The following IL22RA2 variants were observed in gnomAD, a reference collection of about 807,000 sequenced individuals.
IL22RA2 encodes the protein interleukin-22 receptor subunit alpha-2.
Under a neutral mutation model 30.7 loss-of-function variants are expected in IL22RA2, and 39 were observed. The ratio of observed to expected loss-of-function variants is 1.27; its 90% CI spans 0.98 to 1.66. The LOEUF (loss-of-function observed/expected upper bound fraction) is 1.66, where lower values mean the gene tolerates loss of function less well. IL22RA2 is among the 40% of genes most tolerant of loss of function. The pLI is 0.00. For synonymous variants in IL22RA2, 103 were observed against 105.0 expected (o/e 0.98, Z 0.11); for missense variants, 315 against 312.7 (o/e 1.01, Z -0.05).
rs147558238 is a variant in IL22RA2 at position 137,173,637 on chromosome 6, T to A, written c.-290A>T. On this transcript the variant is annotated 5_prime_UTR_variant, in exon 1 of 7. Transcript: ENST00000296980. ...TTGACCAGGGCTCTATAGCGAGTAG[T>A]GGTAAAGTGAGGGCTGAAATCAGAT... The A allele has an allele frequency of 6.6e-6, 1 of 152,240 alleles. No individual in the cohort carries two copies. Among genetic ancestry groups the A allele is most frequent in the Non-Finnish European group, 1.5e-5 (1 of 68,014 alleles). The allele number at this position is 152,240 out of a possible 1,614,324, so 9.4% of individuals were successfully genotyped here.
At chr6:137,160,363 A>C (rs1459716112) in intron 2 of IL22RA2, among the ~76,000 whole-genome samples, 1 of 152,232 alleles carries the variant, frequency 6.6e-6, no homozygotes, top group Non-Finnish European at 1.5e-5. Context: ...GGTACTGTGC[A>C]TTATGGTCTT....
chr6:137,155,780 A>C (rs1323058976), intron 4 of IL22RA2, among the ~76,000 whole-genome samples: 1 of 152,098 alleles, frequency 6.6e-6, no homozygotes, highest in East Asian at 1.9e-4. Context: ...AACATCCCTG[A>C]CGCTTTCTGT....
At chr6:137,160,117 A>G (rs1417321060) in intron 2 of IL22RA2, among the ~76,000 whole-genome samples, 1 of 152,352 alleles carries the variant, frequency 6.6e-6, no homozygotes, top group East Asian at 1.9e-4. Context: ...TAGAACATAA[A>G]CATTCCAGAA....
chr6:137,155,108 C>T lies in IL22RA2; in HGVS notation c.305G>A (p.Arg102Lys), dbSNP rs1230675582. 2 of 1,585,542 alleles carry T rather than the reference C, an allele frequency of 1.3e-6. No homozygotes were observed. Among genetic ancestry groups the T allele is most frequent in the African/African-American group, 2.7e-5 (2 of 73,604 alleles). The stretch of plus-strand genomic sequence containing the variant: ...ACAGTCTTCTTTATTTTTCCATTGT[C>T]TCTGTCCATATCTGTAGCAGGGAAA... ...GCRTLAKYGQ[R>K]QWKNKEDCWG... Residue 102 changes from arginine (R) to lysine (K), a missense_variant, in exon 5 of 7, where the codon AGA becomes AAA. By Grantham distance (26) the Arg-to-Lys change is conservative. Coordinates refer to ENST00000296980, the MANE Select transcript of IL22RA2 (RefSeq NM_052962.3).
At chr6:137,150,331 G>T (rs1778263034) in intron 5 of IL22RA2, among the ~76,000 whole-genome samples, 1 of 152,078 alleles carries the variant, frequency 6.6e-6, no homozygotes, top group African/African-American at 2.4e-5. Flanking sequence ...GGGTGAGGAG[G>T]CAGCTGAGTG....
rs748637287 is a variant in IL22RA2 at position 137,156,869 on chromosome 6, T to C, written c.198-15A>G. ...ATGAGAACATGCTAGAGAAGGTCAATGGGGAAAACAGATCGTGTGAAGAGG... is the reference window on the plus strand; with the variant it reads ...ATGAGAACATGCTAGAGAAGGTCAACGGGGAAAACAGATCGTGTGAAGAGG... On this transcript the variant is annotated splice_polypyrimidine_tract_variant and intron_variant, in intron 3 of 6. Coordinates refer to ENST00000296980, the MANE Select transcript of IL22RA2 (RefSeq NM_052962.3). 47 of 1,600,792 alleles carry C rather than the reference T, an allele frequency of 2.9e-5. No homozygotes were observed. The South Asian group carries it at 5.0e-4, about 17-fold the overall frequency.
intron 1 of IL22RA2, among the ~76,000 whole-genome samples, chr6:137,171,104 T>C (rs2114403081): frequency 6.6e-6 from 1 of 152,364 alleles, no homozygotes; most frequent in South Asian, 2.1e-4. Context: ...TAAGGAATAA[T>C]GATGGCTGCT....
At chr6:137,151,741 G>T (rs757231235) in intron 5 of IL22RA2, among the ~76,000 whole-genome samples, 7 of 152,120 alleles carry the variant, frequency 4.6e-5, no homozygotes, top group Non-Finnish European at 1.0e-4. Context: ...ATGGGCAAAG[G>T]ATCTCAATGG....
intron 1 of IL22RA2, among the ~76,000 whole-genome samples, chr6:137,163,785 G>A (rs1412236531): frequency 2.0e-5 from 3 of 152,164 alleles, no homozygotes; most frequent in East Asian, 1.9e-4. Flanking sequence ...CGGTCAGAAA[G>A]GAAAACCATT....
In IL22RA2 at chr6:137,161,756, A is replaced by G; in HGVS notation, c.-7T>C. ...AGCAATGTTTAGGCATCATGGTTGC[A>G]AGTGTGACTGTTCAGGCAACCAGTG... On this transcript the variant is annotated 5_prime_UTR_variant, in exon 2 of 7. Transcript: ENST00000296980. The G allele has an allele frequency of 6.2e-7, 1 of 1,612,578 alleles. No homozygotes were observed. The highest frequency in any genetic ancestry group is 8.5e-7 in the Non-Finnish European group (1 of 1,178,944).
intron 1 of IL22RA2, among the ~76,000 whole-genome samples, chr6:137,166,266 T>G (rs750645809): frequency 1.5e-4 from 23 of 152,220 alleles, no homozygotes; most frequent in Middle Eastern, 3.2e-3. Flanking sequence ...TAGCTGTCAC[T>G]AGGGTGTTGC....
chr6:137,162,560 C>T (rs1778543500), intron 1 of IL22RA2, among the ~76,000 whole-genome samples: 1 of 152,172 alleles, frequency 6.6e-6, no homozygotes, highest in Non-Finnish European at 1.5e-5. Flanking sequence ...TTCACATTGT[C>T]TTTGAAATCT....
intron 1 of IL22RA2, among the ~76,000 whole-genome samples, chr6:137,168,861 C>T (rs1006089247): frequency 1.3e-5 from 2 of 152,214 alleles, no homozygotes; most frequent in Non-Finnish European, 2.9e-5. Flanking sequence ...TAGCCCAATA[C>T]AACAGTTCAG....
chr6:137,165,430 G>T (rs1016396693), intron 1 of IL22RA2, among the ~76,000 whole-genome samples: 1 of 152,182 alleles, frequency 6.6e-6, no homozygotes, highest in African/African-American at 2.4e-5. Context: ...GGCTACTAAG[G>T]TGTTTGTAAA....
At chr6:137,168,230 C>A (rs894628198) in intron 1 of IL22RA2, among the ~76,000 whole-genome samples, 5 of 152,146 alleles carry the variant, frequency 3.3e-5, no homozygotes, top group African/African-American at 9.7e-5. Context: ...CATACAGGAA[C>A]TTGTTGTTTA....
In IL22RA2 at chr6:137,144,678, C is replaced by T. The variant is rs1234199867; in HGVS notation, c.*946G>A. On this transcript the variant is annotated 3_prime_UTR_variant, in exon 7 of 7. Coordinates refer to ENST00000296980, the MANE Select transcript of IL22RA2 (RefSeq NM_052962.3). ...TGTGCTTCCAGCTTCAAGCTGAGTT[C>T]TCTGTATGGGGTCGACCCCAGCAGT... 6.6e-6 allele frequency: 1 copy of T among 152,426 alleles called. No individual in the cohort carries two copies. The highest frequency in any genetic ancestry group is 2.4e-5 in the African/African-American group (1 of 41,566). The allele number at this position is 152,426 out of a possible 1,614,324, so 9.4% of individuals were successfully genotyped here.
chr6:137,145,808 T>C (rs780567007), intron 6 of IL22RA2, 35 bp from the exon 7 acceptor site: 3 of 1,612,678 alleles, frequency 1.9e-6, no homozygotes, highest in Non-Finnish European at 8.5e-7. Context: ...AGTTGGTAAA[T>C]GGCTGCCATT....
At chr6:137,161,580 G>A in intron 2 of IL22RA2, 109 bp downstream of exon 2, 1 of 827,060 alleles carries the variant, frequency 1.2e-6, no homozygotes, top group Non-Finnish European at 2.0e-6. Flanking sequence ...GACATCAAAA[G>A]CTGCAGCCTT....
At chr6:137,150,897 A>G (rs574724039) in intron 5 of IL22RA2, among the ~76,000 whole-genome samples, 5 of 152,252 alleles carry the variant, frequency 3.3e-5, no homozygotes, top group South Asian at 4.1e-4. Flanking sequence ...GAGTTGGGGG[A>G]AAATGCATCT....
Sources: allele counts gnomAD v4.1 joint callset (sites outside exome capture counted in the v4.1 genomes callset), GRCh38; gene constraint gnomAD v4.1.1; transcripts MANE v1.5; gene names NCBI Gene and HGNC (gene_info 2026-07-23, HGNC 2026-07-21).